The following NCKAP1L variants were observed in gnomAD, a reference collection of about 807,000 sequenced individuals.
NCKAP1L encodes the protein NCK associated protein 1 like.
Under a neutral mutation model 139.2 loss-of-function variants are expected in NCKAP1L, and 53 were observed. The observed-to-expected ratio is 0.38, with a 90% CI of 0.31 to 0.48. The LOEUF (loss-of-function observed/expected upper bound fraction) is 0.48, where lower values mean the gene tolerates loss of function less well. NCKAP1L is among the 20% of genes least tolerant of loss of function. NCKAP1L has a pLI of 0.98. For missense variants in NCKAP1L, 1,151 were observed against 1,381.9 expected (o/e 0.83, Z 2.65); for synonymous variants, 468 against 499.7 (o/e 0.94, Z 0.85).
rs1171488876 is a variant in NCKAP1L at position 54,506,796 on chromosome 12, A to AATATATATATATAT, written c.307-1042_307-1029dup. ...TTTTGGCAACATATTAAAAAAAAAA[A>AATATATATATATAT]ATATATATATATATATATATATATA... On this transcript the variant is annotated intron_variant, in intron 3 of 30. Transcript: ENST00000293373. Among the ~76,000 whole-genome samples the AATATATATATATAT allele has an allele frequency of 4.9e-3, 247 of 50,562 alleles. 5 individuals carry two copies. The highest frequency in any genetic ancestry group is 0.012 in the Admixed American group (35 of 2,976). 33.2% of individuals were successfully genotyped at this position (50,562 alleles called of 152,430 possible).
chr12:54,506,791 AAAAAAAT>A (rs1956842401), intron 3 of NCKAP1L, among the ~76,000 whole-genome samples: 1 of 78,992 alleles, frequency 1.3e-5, no homozygotes, highest in Non-Finnish European at 2.5e-5. Flanking sequence ...ATATTAAAAA[AAAAAAAT>A]ATATATATAT....
At chr12:54,503,861 G>A (rs1956821392) in intron 3 of NCKAP1L, among the ~76,000 whole-genome samples, 1 of 151,876 alleles carries the variant, frequency 6.6e-6, no homozygotes, top group African/African-American at 2.4e-5. Flanking sequence ...AGCTGGCCTC[G>A]AACTCCTGAC....
chr12:54,507,457 G>A (rs531063140), intron 3 of NCKAP1L, among the ~76,000 whole-genome samples: 19 of 152,212 alleles, frequency 1.2e-4, no homozygotes, highest in Non-Finnish European at 1.8e-4. Flanking sequence ...CCTGAGAACA[G>A]GAGATAGAAT....
intron 3 of NCKAP1L, among the ~76,000 whole-genome samples, chr12:54,503,338 A>G: frequency 6.6e-6 from 1 of 152,044 alleles, no homozygotes. Context: ...TGTTTTTGAA[A>G]GAAAAATTGA....
chr12:54,501,343 C>T lies in NCKAP1L; in HGVS notation c.306+718C>T, dbSNP rs377159106. 1.3e-4 allele frequency among the ~76,000 whole-genome samples: 20 copies of T among 151,980 alleles called. 1 individual carries two copies. Among genetic ancestry groups the T allele is most frequent in the East Asian group, 5.8e-4 (3 of 5,196 alleles). Reference sequence around the variant, plus strand: ...ATGATTATACTACATTTTGCTTATCCGATCGTATGTTGATGGACACTTAGG... The same window carrying T: ...ATGATTATACTACATTTTGCTTATCTGATCGTATGTTGATGGACACTTAGG... On this transcript the variant is annotated intron_variant, in intron 3 of 30. Transcript: ENST00000293373.
chr12:54,506,607 T>A (rs1396405317), intron 3 of NCKAP1L, among the ~76,000 whole-genome samples: 4 of 149,622 alleles, frequency 2.7e-5, no homozygotes, highest in South Asian at 2.1e-4. Flanking sequence ...TTTTTATTTT[T>A]ATTTTTAGTA....
chr12:54,507,907 A>G lies in NCKAP1L; in HGVS notation c.361A>G (p.Ile121Val), dbSNP rs200646912. ...TGATGCCTGCCAGTGCCATTTTGAT[A>G]TCGTAAGAACCTTTGCAATTCTCTT... ...TIDACQCHFDINLNFDFTRSY... is the reference protein window; with the variant it reads ...TIDACQCHFDVNLNFDFTRSY... The change falls in exon 4 of 31, where the codon ATC (isoleucine) becomes GTC (valine). Residue 121 changes from isoleucine (I) to valine (V), a missense_variant and splice_region_variant. By Grantham distance (29) the Ile-to-Val change is conservative. Transcript: ENST00000293373. 1 of 1,613,882 alleles carries G rather than the reference A, an allele frequency of 6.2e-7. No homozygotes were observed. Among genetic ancestry groups the G allele is most frequent in the East Asian group, 2.2e-5 (1 of 44,882 alleles).
chr12:54,511,282 A>G (rs1249589681), intron 7 of NCKAP1L, among the ~76,000 whole-genome samples: 1 of 151,920 alleles, frequency 6.6e-6, no homozygotes, highest in Non-Finnish European at 1.5e-5. Flanking sequence ...GTTCCTCTTT[A>G]TTTTCTCAAC....
At position 54,511,861 on chromosome 12, in the gene NCKAP1L, G is replaced by A. The variant is rs1956892040; in HGVS notation, c.784+10G>A. The A allele has an allele frequency of 6.2e-7, 1 of 1,614,218 alleles. No homozygotes were observed. The highest frequency in any genetic ancestry group is 2.2e-5 in the East Asian group (1 of 44,892). On this transcript the variant is annotated intron_variant, in intron 8 of 30. Transcript: ENST00000293373. Reference sequence around the variant, plus strand: ...GAGCGCTGGATTATCAGTAAGTTTAGTGGGATTAGATGGGAGTGGATGAAG... The same window carrying A: ...GAGCGCTGGATTATCAGTAAGTTTAATGGGATTAGATGGGAGTGGATGAAG...
intron 3 of NCKAP1L, among the ~76,000 whole-genome samples, chr12:54,506,796 A>AATATATATATATATATATATATAT (rs1171488876): frequency 9.9e-5 from 5 of 50,596 alleles, no homozygotes; most frequent in African/African-American, 2.2e-4. Context: ...AAAAAAAAAA[A>AATATATATATATATATATATATAT]ATATATATAT....
chr12:54,515,198 G>T (rs1956920326), intron 9 of NCKAP1L, among the ~76,000 whole-genome samples: 2 of 152,146 alleles, frequency 1.3e-5, no homozygotes, highest in Non-Finnish European at 2.9e-5. Context: ...CCAATAGATT[G>T]CTGTGAAGTT....
At chr12:54,535,374 TATCCTCAGGTTTCAACTAGTTGATCTAC>T (rs1446777645) in intron 27 of NCKAP1L, among the ~76,000 whole-genome samples, 177 bp downstream of exon 27, 11 of 152,232 alleles carry the variant, frequency 7.2e-5, no homozygotes, top group Non-Finnish European at 1.2e-4. Context: ...GATTTAGATT[TATCCTCAGGTTTCAACTAGTTGATCTAC>T]ATCCTCAGGT....
rs886857743 is a variant in NCKAP1L, at chr12:54,523,731, T to C, written c.2025-94T>C. The stretch of plus-strand genomic sequence containing the variant: ...TCAATGTGTACTCTTCTAGGCTGAG[T>C]ATCCCTAGAAACTGGGTCATGGGCC... On this transcript the variant is annotated intron_variant, in intron 19 of 30. Coordinates refer to ENST00000293373, the MANE Select transcript of NCKAP1L (RefSeq NM_005337.5). 3 of 1,511,588 alleles carry C rather than the reference T, an allele frequency of 2.0e-6. No homozygotes were observed. The African/African-American group carries it at 4.2e-5, about 21-fold the overall frequency. 93.6% of individuals were successfully genotyped at this position (1,511,588 alleles called of 1,614,324 possible). A position where few individuals can be genotyped will look rare whatever the true frequency, so the allele number is the denominator to read the frequency against.
At chr12:54,501,343 C>A (rs377159106) in intron 3 of NCKAP1L, among the ~76,000 whole-genome samples, 1 of 151,980 alleles carries the variant, frequency 6.6e-6, no homozygotes, top group Non-Finnish European at 1.5e-5. Flanking sequence ...TTTGCTTATC[C>A]GATCGTATGT....
At chr12:54,539,264 G>A (rs1186135407) in intron 30 of NCKAP1L, among the ~76,000 whole-genome samples, 1 of 152,206 alleles carries the variant, frequency 6.6e-6, no homozygotes, top group African/African-American at 2.4e-5. Flanking sequence ...TGATAGGGCA[G>A]CTGTGCCCGT....
chr12:54,514,417 G>A (rs547865338), intron 9 of NCKAP1L, among the ~76,000 whole-genome samples: 1 of 152,068 alleles, frequency 6.6e-6, no homozygotes, highest in South Asian at 2.1e-4. Context: ...CACCTGCCGG[G>A]TTCAAGCGCT....
chr12:54,507,155 A>T (rs939689990), intron 3 of NCKAP1L, among the ~76,000 whole-genome samples: 1 of 152,048 alleles, frequency 6.6e-6, no homozygotes, highest in South Asian at 2.1e-4. Context: ...AGGGAGAAAA[A>T]TAAGAAAATA....
intron 22 of NCKAP1L, among the ~76,000 whole-genome samples, chr12:54,530,923 C>T (rs143581197): frequency 2.3e-3 from 352 of 152,240 alleles, no homozygotes; most frequent in African/African-American, 8.0e-3. Context: ...TAAGGTCTTA[C>T]GTCTAATAAA....
intron 22 of NCKAP1L, among the ~76,000 whole-genome samples, chr12:54,530,117 A>G (rs1046678945): frequency 3.3e-5 from 5 of 152,238 alleles, no homozygotes; most frequent in Non-Finnish European, 7.3e-5. Flanking sequence ...TTCCTCTGTC[A>G]CTGATGAAGG....
Sources: gnomAD v4.1 joint callset for allele counts (sites outside exome capture counted in the v4.1 genomes callset) on GRCh38, gnomAD v4.1.1 for gene constraint, MANE v1.5 for transcripts, NCBI Gene and HGNC (gene_info 2026-07-23, HGNC 2026-07-21) for gene names.